The following CSMD3 variants were observed in gnomAD, a reference collection of about 807,000 sequenced individuals.
CSMD3 encodes CUB and sushi domain-containing protein 3.
CSMD3 carries 177 observed loss-of-function variants against 435.2 expected under a neutral mutation model. The ratio of observed to expected loss-of-function variants is 0.41; its 90% CI spans 0.36 to 0.46. CSMD3 has a LOEUF of 0.46. Ranked by LOEUF, CSMD3 falls within the 20% of genes least tolerant of loss-of-function variation. The pLI is 0.34. For missense variants in CSMD3, 4,265 were observed against 4,504.6 expected (o/e 0.95, Z 1.52); for synonymous variants, 1,656 against 1,520.5 (o/e 1.09, Z -2.07).
intron 13 of CSMD3, among the ~76,000 whole-genome samples, chr8:112,708,650 T>C (rs1459941953): frequency 4.1e-5 from 6 of 147,616 alleles, no homozygotes; most frequent in Non-Finnish European, 7.5e-5. Context: ...AATGCTTCTT[T>C]TTTTTTTTTT....
intron 27 of CSMD3, among the ~76,000 whole-genome samples, chr8:112,520,391 T>G (rs1824148828): frequency 6.6e-6 from 1 of 152,020 alleles, no homozygotes; most frequent in South Asian, 2.1e-4. Flanking sequence ...TTAGCAGAGC[T>G]GGAATTTGAA....
At chr8:113,071,605 C>T (rs979467375) in intron 5 of CSMD3, among the ~76,000 whole-genome samples, 3 of 151,832 alleles carry the variant, frequency 2.0e-5, no homozygotes, top group Non-Finnish European at 4.4e-5. Flanking sequence ...GCAACCTTGT[C>T]AAAGATCAGT....
At chr8:112,351,106 A>G in intron 40 of CSMD3, 69 bp downstream of exon 40, 1 of 983,306 alleles carries the variant, frequency 1.0e-6, no homozygotes, top group Admixed American at 1.8e-5. Flanking sequence ...TGAAGCTTAC[A>G]AATACTTTAT....
intron 13 of CSMD3, among the ~76,000 whole-genome samples, chr8:112,796,877 T>A (rs913458844): frequency 6.6e-6 from 1 of 152,024 alleles, no homozygotes; most frequent in Admixed American, 6.6e-5. Flanking sequence ...GGAATATCAT[T>A]AACTACCCAA....
At chr8:112,378,645 C>T (rs13263903) in intron 38 of CSMD3, among the ~76,000 whole-genome samples, 38,528 of 151,888 alleles carry the variant, frequency 0.25, 5,235 homozygotes, top group African/African-American at 0.33. Context: ...ATGATGATTA[C>T]CAGAGGCTGA....
intron 47 of CSMD3, among the ~76,000 whole-genome samples, chr8:112,314,866 C>T (rs1462014276): frequency 6.6e-6 from 1 of 151,882 alleles, no homozygotes; most frequent in Non-Finnish European, 1.5e-5. Flanking sequence ...TAAATAAATA[C>T]ATAAATAAAA....
intron 64 of CSMD3, among the ~76,000 whole-genome samples, chr8:112,245,619 C>T (rs1048016761): frequency 3.3e-5 from 5 of 152,132 alleles, no homozygotes; most frequent in Admixed American, 2.6e-4. Context: ...TTCACTGCAG[C>T]CTCCACCTCC....
intron 28 of CSMD3, among the ~76,000 whole-genome samples, chr8:112,515,551 T>C (rs1220200822): frequency 6.6e-6 from 1 of 152,064 alleles, no homozygotes; most frequent in Non-Finnish European, 1.5e-5. Flanking sequence ...TAAATGTAAA[T>C]TAATTGATGT....
chr8:112,287,998 T>C (rs1026463237), intron 57 of CSMD3, among the ~76,000 whole-genome samples: 3 of 149,358 alleles, frequency 2.0e-5, no homozygotes, highest in South Asian at 4.3e-4. Context: ...AGTGTTAATA[T>C]ACATTGAGAG....
intron 35 of CSMD3, among the ~76,000 whole-genome samples, chr8:112,393,826 T>C (rs998524384): frequency 6.6e-6 from 1 of 152,176 alleles, no homozygotes; most frequent in African/African-American, 2.4e-5. Context: ...AGCCTTTGTT[T>C]GCTTGAACAT....
intron 11 of CSMD3, among the ~76,000 whole-genome samples, chr8:112,838,388 T>A (rs1210284008): frequency 6.6e-6 from 1 of 151,588 alleles, no homozygotes; most frequent in Non-Finnish European, 1.5e-5. Flanking sequence ...GTTGACAGGG[T>A]TATATTTAAT....
At chr8:112,481,452 A>G (rs1282576069) in intron 31 of CSMD3, among the ~76,000 whole-genome samples, 1 of 152,172 alleles carries the variant, frequency 6.6e-6, no homozygotes, top group Admixed American at 6.5e-5. Flanking sequence ...TAATGTATAA[A>G]TTATTCACAG....
At chr8:113,073,792 G>C (rs1480601410) in intron 5 of CSMD3, among the ~76,000 whole-genome samples, 1 of 151,416 alleles carries the variant, frequency 6.6e-6, no homozygotes, top group Non-Finnish European at 1.5e-5. Flanking sequence ...ATTCTTGACA[G>C]CATTCGCCTT....
At chr8:112,973,709 T>A (rs2084744367) in intron 7 of CSMD3, among the ~76,000 whole-genome samples, 1 of 151,904 alleles carries the variant, frequency 6.6e-6, no homozygotes. Flanking sequence ...AATAGAATAG[T>A]AGGTTTCCCC....
rs570631559 is a variant in CSMD3 at position 113,089,832 on chromosome 8, C to T, written c.917+8924G>A. Among the ~76,000 whole-genome samples the T allele has an allele frequency of 4.8e-4, 73 of 152,070 alleles. 1 individual carries two copies. Among genetic ancestry groups the T allele is most frequent in the South Asian group, 4.2e-3 (20 of 4,810 alleles). ...CATATCATCTTATAAGGTCTGATAT[C>T]CTACTGTTCTATGCTTAATCTGGAA... On this transcript the variant is annotated intron_variant, in intron 5 of 70. Transcript: ENST00000297405.
At chr8:113,364,825 T>G (rs900923688) in intron 1 of CSMD3, among the ~76,000 whole-genome samples, 1 of 152,064 alleles carries the variant, frequency 6.6e-6, no homozygotes, top group African/African-American at 2.4e-5. Flanking sequence ...TACCAAAACA[T>G]GTTACATCAC....
At chr8:112,560,443 T>C (rs1828519063) in intron 24 of CSMD3, among the ~76,000 whole-genome samples, 2 of 151,882 alleles carry the variant, frequency 1.3e-5, no homozygotes, top group South Asian at 4.1e-4. Flanking sequence ...GTAATGTTCA[T>C]GATTGAATGT....
chr8:112,273,091 T>A (rs1817676700), intron 59 of CSMD3, among the ~76,000 whole-genome samples: 1 of 152,176 alleles, frequency 6.6e-6, no homozygotes, highest in African/African-American at 2.4e-5. Context: ...AATCAATCTG[T>A]CTTGAATCAA....
intron 22 of CSMD3, among the ~76,000 whole-genome samples, chr8:112,600,042 G>C (rs139668478): frequency 1.5e-3 from 229 of 151,694 alleles, no homozygotes; most frequent in African/African-American, 5.3e-3. Flanking sequence ...GAATAGTACA[G>C]AGGTGGAGGG....
Sources: allele counts gnomAD v4.1 joint callset (sites outside exome capture counted in the v4.1 genomes callset), GRCh38; gene constraint gnomAD v4.1.1; transcripts MANE v1.5; gene names NCBI Gene and HGNC (gene_info 2026-07-23, HGNC 2026-07-21).